The following SDK1 variants were observed in gnomAD, a reference collection of about 807,000 sequenced individuals.
The protein encoded by SDK1 is sidekick cell adhesion molecule 1.
SDK1 carries 157 observed loss-of-function variants against 245.5 expected under a neutral mutation model. The ratio of observed to expected loss-of-function variants is 0.64; its 90% CI spans 0.56 to 0.73. The LOEUF is 0.73. Among genes scored for constraint, SDK1 ranks in the 30% least tolerant of loss-of-function variants. SDK1 has a pLI of 0.00. For missense variants in SDK1, 3,583 were observed against 3,002.3 expected, an observed-to-expected ratio of 1.19 and a Z score of -4.52; for synonymous variants, 1,647 against 1,278.5, an observed-to-expected ratio of 1.29 and a Z score of -6.15.
At chr7:3,728,906 G>A (rs939088671) in intron 4 of SDK1, among the ~76,000 whole-genome samples, 10 of 152,116 alleles carry the variant, frequency 6.6e-5, no homozygotes, top group Admixed American at 5.2e-4. Context: ...TGGACCAACA[G>A]TGGCTATTTC....
chr7:3,814,358 A>G (rs1396773046), intron 4 of SDK1, among the ~76,000 whole-genome samples: 2 of 148,836 alleles, frequency 1.3e-5, no homozygotes, highest in African/African-American at 2.5e-5. Context: ...AGCACCATTT[A>G]TTAAATAGGG....
At chr7:4,175,873 G>T (rs367602467) in intron 34 of SDK1, 39 bp downstream of exon 34, 2 of 1,571,120 alleles carry the variant, frequency 1.3e-6, no homozygotes, top group South Asian at 1.1e-5. Context: ...GCCGCGAGGC[G>T]CACACACTGT....
chr7:3,318,077 A>G (rs1372373063), intron 1 of SDK1, among the ~76,000 whole-genome samples: 2 of 152,180 alleles, frequency 1.3e-5, no homozygotes, highest in Non-Finnish European at 2.9e-5. Flanking sequence ...ACAACTATAT[A>G]TGTCTTTCCT....
chr7:3,522,079 A>C (rs556287798), intron 1 of SDK1, among the ~76,000 whole-genome samples: 2 of 152,100 alleles, frequency 1.3e-5, no homozygotes, highest in African/African-American at 4.8e-5. Context: ...TACCATTTCA[A>C]AACATAGGCT....
chr7:3,617,285 C>G (rs796388340), intron 1 of SDK1, among the ~76,000 whole-genome samples: 1 of 152,288 alleles, frequency 6.6e-6, no homozygotes, highest in African/African-American at 2.4e-5. Context: ...GTTCTAGGTG[C>G]TAGGAATTCA....
intron 1 of SDK1, among the ~76,000 whole-genome samples, chr7:3,418,145 G>GCAAAAA (rs1292199670): frequency 0.074 from 8,842 of 119,050 alleles, 928 homozygotes; most frequent in African/African-American, 0.16. Flanking sequence ...TACTAAAAAT[G>GCAAAAA]AAAAAAAAAA....
Position 3,815,738 on chromosome 7 carries a change from A to T in SDK1, c.714-5712A>T, listed in dbSNP as rs193267053. Among the ~76,000 whole-genome samples, 45 of 151,962 alleles carry T rather than the reference A, an allele frequency of 3.0e-4. 1 individual carries two copies. Among genetic ancestry groups the T allele is most frequent in the Admixed American group, 2.6e-3 (40 of 15,232 alleles). On this transcript the variant is annotated intron_variant, in intron 4 of 44. Transcript: ENST00000404826. ...AGGAATTGAACTCAGCTGTGCACCA[A>T]GCGGACCTAATAGACATCTACAGAA...
chr7:3,875,479 G>C (rs968355465), intron 5 of SDK1, among the ~76,000 whole-genome samples: 3 of 152,212 alleles, frequency 2.0e-5, no homozygotes, highest in African/African-American at 7.2e-5. Context: ...TAGAGGAAAG[G>C]CTCTCGGAGC....
intron 19 of SDK1, among the ~76,000 whole-genome samples, chr7:4,060,056 A>C (rs1779436467): frequency 6.6e-6 from 1 of 151,466 alleles, no homozygotes; most frequent in Non-Finnish European, 1.5e-5. Context: ...ACTTTTTTGT[A>C]TTTTTTAGTA....
At position 3,465,095 on chromosome 7, in the gene SDK1, T is replaced by A. The variant is rs7795358; in HGVS notation, c.299-153985T>A. 7.6e-3 allele frequency among the ~76,000 whole-genome samples: 1,154 copies of A among 152,284 alleles called. 13 individuals are homozygous for A. The highest frequency in any genetic ancestry group is 0.027 in the African/African-American group (1,122 of 41,568). ...ATTTACATGTGGTGGGGCTAATCCG[T>A]AAGTGAGATTACCGTTAGGGAGCTC... On this transcript the variant is annotated intron_variant, in intron 1 of 44. Coordinates refer to ENST00000404826, the MANE Select transcript of SDK1 (RefSeq NM_152744.4).
At chr7:3,612,671 G>C (rs185362693) in intron 1 of SDK1, among the ~76,000 whole-genome samples, 1 of 152,154 alleles carries the variant, frequency 6.6e-6, no homozygotes, top group Non-Finnish European at 1.5e-5. Flanking sequence ...TGATATAAAA[G>C]AAGTTTTGAA....
intron 1 of SDK1, among the ~76,000 whole-genome samples, chr7:3,557,269 A>G (rs771640332): frequency 1.3e-5 from 2 of 152,240 alleles, no homozygotes; most frequent in Non-Finnish European, 2.9e-5. Context: ...GGACAACAGT[A>G]CAGATCCTAA....
chr7:3,701,420 A>C (rs939269355), intron 4 of SDK1, among the ~76,000 whole-genome samples: 1 of 152,180 alleles, frequency 6.6e-6, no homozygotes, highest in African/African-American at 2.4e-5. Flanking sequence ...AAATCGTAGC[A>C]AGACTTTGTG....
At chr7:3,701,924 C>CAAAAAA (rs58687135) in intron 4 of SDK1, among the ~76,000 whole-genome samples, 1,997 of 84,588 alleles carry the variant, frequency 0.024, 1 homozygote, top group African/African-American at 0.03. Flanking sequence ...CGTGCATAAG[C>CAAAAAA]AAAAAAAAAA....
chr7:4,193,914 C>G (rs765666647), intron 35 of SDK1, among the ~76,000 whole-genome samples: 1 of 152,130 alleles, frequency 6.6e-6, no homozygotes, highest in Non-Finnish European at 1.5e-5. Context: ...TATAGAGTCC[C>G]TAAACTCCTT....
At chr7:3,330,615 G>T (rs552143925) in intron 1 of SDK1, among the ~76,000 whole-genome samples, 1 of 152,244 alleles carries the variant, frequency 6.6e-6, no homozygotes, top group East Asian at 1.9e-4. Context: ...CCAGATGCCA[G>T]TGCCATGGTC....
At chr7:3,615,905 C>G (rs1781753689) in intron 1 of SDK1, among the ~76,000 whole-genome samples, 1 of 149,844 alleles carries the variant, frequency 6.7e-6, no homozygotes, top group African/African-American at 2.5e-5. Context: ...GAGACAGGGT[C>G]TTGGTCTGTC....
At chr7:4,224,285 TGG>T (rs1464589797) in intron 40 of SDK1, among the ~76,000 whole-genome samples, 2 of 152,226 alleles carry the variant, frequency 1.3e-5, no homozygotes, top group African/African-American at 4.8e-5. Flanking sequence ...GCTTTGCTTC[TGG>T]GGAGGCCCCA....
chr7:3,314,313 C>T (rs1779614460), intron 1 of SDK1, among the ~76,000 whole-genome samples: 1 of 152,226 alleles, frequency 6.6e-6, no homozygotes, highest in African/African-American at 2.4e-5. Context: ...AAGGACCAAA[C>T]ATCAAGACCT....
Sources: allele counts gnomAD v4.1 joint callset (sites outside exome capture counted in the v4.1 genomes callset), GRCh38; gene constraint gnomAD v4.1.1; transcripts MANE v1.5; gene names NCBI Gene and HGNC (gene_info 2026-07-23, HGNC 2026-07-21).